Variants in PCNX1 observed in about 807,000 individuals in gnomAD.
The protein encoded by PCNX1 is pecanex-like protein 1.
In PCNX1, 78 loss-of-function variants were observed where a neutral mutation model predicts 242.2. That is an observed-to-expected ratio of 0.32 (90% CI 0.27 to 0.39). The LOEUF is 0.39. Ranked by LOEUF, PCNX1 falls within the 10% of genes least tolerant of loss-of-function variation. The probability of loss-of-function intolerance (pLI) is 1.00; values close to 1 mark genes in which losing one functional copy is unlikely to be tolerated. For missense variants in PCNX1, 2,581 were observed against 2,856.5 expected, an observed-to-expected ratio of 0.90 and a Z score of 2.20; for synonymous variants, 1,024 against 1,032.9, an observed-to-expected ratio of 0.99 and a Z score of 0.17.
intron 26 of PCNX1, among the ~76,000 whole-genome samples, chr14:71,067,658 C>T (rs2332507): frequency 0.55 from 82,786 of 151,788 alleles, 23,665 homozygotes; most frequent in East Asian, 0.73. Flanking sequence ...CTTTTGAATT[C>T]GTTTGCTCCT....
chr14:71,049,066 C>T, intron 22 of PCNX1: 1 of 940,202 alleles, frequency 1.1e-6, no homozygotes, highest in Non-Finnish European at 1.3e-6. Context: ...TGGTTTCCCA[C>T]AAACTCAAAT....
rs1433882759 is a variant in PCNX1 at position 71,114,541 on chromosome 14, T to G, written c.*4606T>G. Reference sequence around the variant, plus strand: ...ATACTTTTTCTGAATTAAGATAACTTCTATTTGTGAGTTGAACTTCATTAT... The same window carrying G: ...ATACTTTTTCTGAATTAAGATAACTGCTATTTGTGAGTTGAACTTCATTAT... On this transcript the variant is annotated 3_prime_UTR_variant, in exon 36 of 36. Coordinates refer to ENST00000304743, the MANE Select transcript of PCNX1 (RefSeq NM_014982.3). 1 of 152,652 alleles carries G rather than the reference T, an allele frequency of 6.6e-6. No homozygotes were observed. Among genetic ancestry groups the G allele is most frequent in the African/African-American group, 2.4e-5 (1 of 41,454 alleles). 9.5% of individuals were successfully genotyped at this position (152,652 alleles called of 1,614,324 possible).
At position 71,105,342 on chromosome 14, in the gene PCNX1, A is replaced by G. The variant is rs1329196219; in HGVS notation, c.6203A>G (p.Asn2068Ser). ...CTGNNATTAN[N>S]PHSNVTQGSI... ...GGTAACAATGCAACAACTGCCAACA[A>G]TCCCCACAGCAACGTGACCCAGGGA... Residue 2068 changes from asparagine (N) to serine (S), a missense_variant, in exon 33 of 36, where the codon AAT becomes AGT. Physicochemically the swap from Asn to Ser is conservative, Grantham distance 46. Transcript: ENST00000304743. 3 of 1,614,106 alleles carry G rather than the reference A, an allele frequency of 1.9e-6. No homozygotes were observed. The highest frequency in any genetic ancestry group is 2.5e-6 in the Non-Finnish European group (3 of 1,179,990).
At chr14:70,932,010 G>T (rs944584374) in intron 1 of PCNX1, among the ~76,000 whole-genome samples, 1 of 152,094 alleles carries the variant, frequency 6.6e-6, no homozygotes, top group African/African-American at 2.4e-5. Context: ...GTTATCTGTC[G>T]CAGCTACTCG....
intron 1 of PCNX1, among the ~76,000 whole-genome samples, chr14:70,945,257 C>A (rs1239508942): frequency 6.6e-6 from 1 of 152,160 alleles, no homozygotes; most frequent in Non-Finnish European, 1.5e-5. Context: ...GGGATGAAGA[C>A]CAAATACATA....
At chr14:70,932,380 A>T (rs72724321) in intron 1 of PCNX1, among the ~76,000 whole-genome samples, 1 of 152,092 alleles carries the variant, frequency 6.6e-6, no homozygotes, top group African/African-American at 2.4e-5. Flanking sequence ...GTGTTTTGAA[A>T]GGGTGATCTA....
chr14:70,932,066 G>A (rs758830375), intron 1 of PCNX1, among the ~76,000 whole-genome samples: 1 of 152,252 alleles, frequency 6.6e-6, no homozygotes, highest in African/African-American at 2.4e-5. Context: ...GGCAGAGGTT[G>A]CAGAGAGCCG....
chr14:71,080,803 G>A (rs971490562), intron 28 of PCNX1, among the ~76,000 whole-genome samples: 6 of 152,196 alleles, frequency 3.9e-5, no homozygotes, highest in African/African-American at 1.4e-4. Flanking sequence ...ATACAGTCAT[G>A]TCATCTGGAA....
At chr14:71,024,497 TC>T (rs2060186972) in intron 13 of PCNX1, among the ~76,000 whole-genome samples, 1 of 152,178 alleles carries the variant, frequency 6.6e-6, no homozygotes, top group African/African-American at 2.4e-5. Flanking sequence ...TGATGTTTTT[TC>T]TTTAAAAAAA....
intron 18 of PCNX1, among the ~76,000 whole-genome samples, chr14:71,035,315 A>G (rs1233617890): frequency 6.6e-6 from 1 of 152,222 alleles, no homozygotes; most frequent in East Asian, 1.9e-4. Flanking sequence ...TAAAATCTTC[A>G]TTCTAAAAGA....
At chr14:71,006,146 TG>T (rs1333052606) in intron 8 of PCNX1, among the ~76,000 whole-genome samples, 6 of 117,034 alleles carry the variant, frequency 5.1e-5, no homozygotes, top group African/African-American at 2.3e-4. Context: ...TGTGTGTGTG[TG>T]TGTGTGTGTG....
chr14:70,936,902 ATG>A (rs1439013934), intron 1 of PCNX1, among the ~76,000 whole-genome samples: 1 of 151,972 alleles, frequency 6.6e-6, no homozygotes, highest in East Asian at 1.9e-4. Context: ...GCATTTTTTT[ATG>A]TGTCTGTTGG....
In PCNX1 at chr14:71,103,539, A is replaced by C; in HGVS notation, c.5965A>C (p.Ile1989Leu). 2 of 1,614,134 alleles carry C rather than the reference A, an allele frequency of 1.2e-6. No individual in the cohort carries two copies. The highest frequency in any genetic ancestry group is 2.2e-5 in the South Asian group (2 of 91,084). Reference sequence around the variant, plus strand: ...GATAAACTCATCTTGTGATCAACCTATTGGCTACCCAATCTTTGTCTCACC... The same window carrying C: ...GATAAACTCATCTTGTGATCAACCTCTTGGCTACCCAATCTTTGTCTCACC... ...NMINSSCDQP[I>L]GYPIFVSPLT... Residue 1989 changes from isoleucine to leucine, a missense_variant, in exon 32 of 36, where the codon ATT becomes CTT. Around this residue, in one of 9 missense-constraint regions of PCNX1, gnomAD observed 298 missense variants for 480.1 expected, o/e 0.62. Transcript: ENST00000304743.
At chr14:71,081,449 G>T (rs1566785690) in intron 28 of PCNX1, among the ~76,000 whole-genome samples, 1 of 152,204 alleles carries the variant, frequency 6.6e-6, no homozygotes, top group Non-Finnish European at 1.5e-5. Context: ...AATGGTACCA[G>T]CTCTTCTTCG....
At chr14:70,999,511 T>C (rs1465575342) in intron 8 of PCNX1, among the ~76,000 whole-genome samples, 1 of 152,194 alleles carries the variant, frequency 6.6e-6, no homozygotes, top group Non-Finnish European at 1.5e-5. Context: ...CATGTATATA[T>C]CATGAGTAGT....
chr14:71,052,913 T>C (rs942002768), intron 24 of PCNX1, among the ~76,000 whole-genome samples: 3 of 152,214 alleles, frequency 2.0e-5, no homozygotes, highest in African/African-American at 7.2e-5. Flanking sequence ...TTATGAGTTA[T>C]GGAGCATAAA....
intron 30 of PCNX1, among the ~76,000 whole-genome samples, chr14:71,097,607 T>C (rs1455000766): frequency 6.6e-6 from 1 of 152,226 alleles, no homozygotes; most frequent in Admixed American, 6.5e-5. Flanking sequence ...GGAGCATCTG[T>C]TCTTATCTTT....
Position 70,976,669 on chromosome 14 carries a change from G to A in PCNX1, c.605-273G>A, listed in dbSNP as rs983484866. On this transcript the variant is annotated intron_variant, in intron 5 of 35. Coordinates refer to ENST00000304743, the MANE Select transcript of PCNX1 (RefSeq NM_014982.3). Reference sequence around the variant, plus strand: ...ATTACAAGCGTGAGCCACTGCGCCCGGCCCCTTTGTTTCCTCTTAATTTTA... The same window carrying A: ...ATTACAAGCGTGAGCCACTGCGCCCAGCCCCTTTGTTTCCTCTTAATTTTA... Among the ~76,000 whole-genome samples the A allele has an allele frequency of 3.3e-5, 5 of 152,006 alleles. 1 individual carries two copies. In the South Asian group the frequency reaches 8.3e-4, roughly 25 times the overall value.
rs1276957019 is a variant in PCNX1 at position 71,105,229 on chromosome 14, T to C, written c.6096-6T>C. 4 of 1,610,850 alleles carry C rather than the reference T, an allele frequency of 2.5e-6. No homozygotes were observed. The highest frequency in any genetic ancestry group is 4.5e-5 in the East Asian group (2 of 44,856). On this transcript the variant is annotated splice_polypyrimidine_tract_variant and splice_region_variant and intron_variant, in intron 32 of 35. Coordinates refer to ENST00000304743, the MANE Select transcript of PCNX1 (RefSeq NM_014982.3). Reference sequence around the variant, plus strand: ...TAATGCTTCCTACTCTGGTATTTGTTCCTAGGCTTAGGAAAGGTTGCGGAG... The same window carrying C: ...TAATGCTTCCTACTCTGGTATTTGTCCCTAGGCTTAGGAAAGGTTGCGGAG...
Sources: allele counts gnomAD v4.1 joint callset (sites outside exome capture counted in the v4.1 genomes callset), GRCh38; gene constraint gnomAD v4.1.1; regional missense constraint gnomAD v4.1.1; transcripts MANE v1.5; gene names NCBI Gene and HGNC (gene_info 2026-07-23, HGNC 2026-07-21).